TMC2: variants seen among roughly 807,000 people sequenced by gnomAD.
TMC2 encodes transmembrane channel-like protein 2.
In TMC2, 102 loss-of-function variants were observed where a neutral mutation model predicts 105.9. The observed-to-expected ratio is 0.96, with a 90% confidence interval of 0.82 to 1.14. The LOEUF (loss-of-function observed/expected upper bound fraction) is 1.14. Ranked by LOEUF, TMC2 falls within the 50% of genes most tolerant of loss-of-function variation. TMC2 has a pLI of 0.00. For missense variants in TMC2, 1,093 were observed against 1,134.3 expected (o/e 0.96, Z 0.52); for synonymous variants, 402 against 422.8 (o/e 0.95, Z 0.60).
In TMC2 at chr20:2,635,977, T is replaced by C. The variant is rs2086639863; in HGVS notation, c.2358T>C (p.Asn786=). The change falls in exon 18 of 20, where the codon AAT becomes AAC. Residue 786 remains asparagine (N), a synonymous_variant. Coordinates refer to ENST00000358864, the MANE Select transcript of TMC2 (RefSeq NM_080751.3). The part of the protein sequence containing the change: ...NSVSKSLSRA[N]AQLRKKIQVL... The stretch of plus-strand genomic sequence containing the variant: ...TTTCCAAAAGCCTTTCCCGAGCTAA[T>C]GCCCAGCTGAGGAAGAAAATCCAAG... 1.2e-6 allele frequency: 2 copies of C among 1,614,032 alleles called. No homozygotes were observed. The highest frequency in any genetic ancestry group is 1.3e-5 in the African/African-American group (1 of 74,934).
rs762106395 is a variant in TMC2 at position 2,579,192 on chromosome 20, G to A, written c.692G>A (p.Cys231Tyr). The change falls in exon 6 of 20, where the codon TGT (cysteine) becomes TAT (tyrosine). Residue 231 changes from cysteine (C) to tyrosine (Y), a missense_variant. Coordinates refer to ENST00000358864, the MANE Select transcript of TMC2 (RefSeq NM_080751.3). ...KRDFDNFKTQ[C>Y]IPWEMKIKDI... ...GACTTTGATAATTTCAAGACTCAAT[G>A]TATCCCCTGGGAAATGAAGATCAAG... 1.2e-6 allele frequency: 2 copies of A among 1,603,276 alleles called. No individual in the cohort carries two copies. The highest frequency in any genetic ancestry group is 1.7e-6 in the Non-Finnish European group (2 of 1,170,408).
intron 17 of TMC2, among the ~76,000 whole-genome samples, chr20:2,626,723 A>G (rs2086567050): frequency 6.6e-6 from 1 of 152,154 alleles, no homozygotes; most frequent in Admixed American, 6.5e-5. Context: ...CTACAATGTG[A>G]TCCTTACTAT....
intron 2 of TMC2, among the ~76,000 whole-genome samples, chr20:2,557,816 C>T (rs973593679): frequency 2.6e-5 from 4 of 152,154 alleles, no homozygotes; most frequent in Admixed American, 2.6e-4. Flanking sequence ...AAAGTGCGCC[C>T]CCACCAAGGC....
Position 2,612,275 on chromosome 20 carries a change from C to G in TMC2, c.1678C>G (p.Pro560Ala). 1.2e-6 allele frequency: 2 copies of G among 1,612,502 alleles called. No individual in the cohort carries two copies. Among genetic ancestry groups the G allele is most frequent in the Non-Finnish European group, 1.7e-6 (2 of 1,179,196 alleles). The change falls in exon 13 of 20, where the codon CCC (proline) becomes GCC (alanine). Residue 560 changes from proline to alanine, a missense_variant. Transcript: ENST00000358864. The stretch of plus-strand genomic sequence containing the variant: ...CTCTTCTGGTTGGAACGAGAGTGTC[C>G]CCCGACCACCCCTGCACCCTGCAGA... ...YNSSGWNESV[P>A]RPPLHPADVP...
At chr20:2,537,613 G>T (rs1011785658) in intron 2 of TMC2, among the ~76,000 whole-genome samples, 1 of 151,638 alleles carries the variant, frequency 6.6e-6, no homozygotes, top group Non-Finnish European at 1.5e-5. Context: ...GAAGCTCGGT[G>T]CAGGCTTCTG....
rs747571352 is a variant in TMC2, at chr20:2,636,023, T to C, written c.2385+19T>C. 1.2e-6 allele frequency: 2 copies of C among 1,607,854 alleles called. No individual in the cohort carries two copies. Among genetic ancestry groups the C allele is most frequent in the Non-Finnish European group, 1.7e-6 (2 of 1,174,350 alleles). ...CCAAGTGGTGAGTCTGTTGGGAGTT[T>C]CATCCTGGACGGTAAAAAGAGATCA... On this transcript the variant is annotated intron_variant, in intron 18 of 19. Coordinates refer to ENST00000358864, the MANE Select transcript of TMC2 (RefSeq NM_080751.3).
chr20:2,597,286 C>T lies in TMC2; in HGVS notation c.1212C>T (p.Thr404=), dbSNP rs750935447. ...CTGATAACAAATATGCATCCATCAC[C>T]ACCAGCTTCAAGGTAGTCACCCCAG... ...ETADNKYASI[T]TSFKESIVDE... Residue 404 remains threonine (T), a synonymous_variant, in exon 10 of 20, where the codon ACC becomes ACT. Coordinates refer to ENST00000358864, the MANE Select transcript of TMC2 (RefSeq NM_080751.3). The T allele has an allele frequency of 1.2e-6, 2 of 1,613,802 alleles. No individual in the cohort carries two copies. Among genetic ancestry groups the T allele is most frequent in the Non-Finnish European group, 1.7e-6 (2 of 1,179,802 alleles).
chr20:2,552,298 T>G (rs1200068138), intron 2 of TMC2, among the ~76,000 whole-genome samples: 1 of 152,172 alleles, frequency 6.6e-6, no homozygotes, highest in Non-Finnish European at 1.5e-5. Context: ...TTTATCAATA[T>G]CCACAGAATA....
At chr20:2,576,900 G>T (rs1245310793) in intron 5 of TMC2, among the ~76,000 whole-genome samples, 40 of 118,688 alleles carry the variant, frequency 3.4e-4, no homozygotes, top group African/African-American at 8.9e-4. Flanking sequence ...TTTCTTCTTG[G>T]TTTTTTTTTT....
intron 5 of TMC2, among the ~76,000 whole-genome samples, chr20:2,573,714 C>CTG (rs2086120866): frequency 6.8e-6 from 1 of 147,832 alleles, no homozygotes; most frequent in Non-Finnish European, 1.5e-5. Flanking sequence ...GCGCCCGCCA[C>CTG]CACGCCCGGC....
intron 16 of TMC2, among the ~76,000 whole-genome samples, chr20:2,620,957 C>T (rs2086520620): frequency 1.3e-5 from 2 of 152,160 alleles, no homozygotes; most frequent in South Asian, 4.1e-4. Flanking sequence ...CTATGCCTGT[C>T]CCACCATTTT....
At chr20:2,619,197 C>T (rs1414598202) in intron 16 of TMC2, among the ~76,000 whole-genome samples, 6 of 152,112 alleles carry the variant, frequency 3.9e-5, no homozygotes, top group African/African-American at 1.2e-4. Flanking sequence ...TTAGGGGTAA[C>T]TTACAGTCAG....
chr20:2,583,882 C>T (rs1183413149), intron 7 of TMC2, among the ~76,000 whole-genome samples: 1 of 152,044 alleles, frequency 6.6e-6, no homozygotes. Flanking sequence ...TAAGCCATAC[C>T]CAAAATGCTA....
chr20:2,559,198 C>T (rs1271564100), intron 3 of TMC2, among the ~76,000 whole-genome samples: 1 of 152,226 alleles, frequency 6.6e-6, no homozygotes, highest in African/African-American at 2.4e-5. Context: ...CAGGAACCAT[C>T]TGAGGGCTTA....
At chr20:2,540,183 G>T (rs568220974) in intron 2 of TMC2, among the ~76,000 whole-genome samples, 2 of 151,250 alleles carry the variant, frequency 1.3e-5, no homozygotes, top group East Asian at 4.0e-4. Flanking sequence ...GTAGAGACCG[G>T]GTTTCACCAT....
chr20:2,630,785 T>A (rs2146265071), intron 17 of TMC2, among the ~76,000 whole-genome samples: 2 of 152,340 alleles, frequency 1.3e-5, no homozygotes, highest in South Asian at 4.1e-4. Context: ...TTTGTACCAC[T>A]GCATTCCACC....
intron 5 of TMC2, among the ~76,000 whole-genome samples, chr20:2,575,257 A>T (rs550122048): frequency 6.6e-6 from 1 of 152,120 alleles, no homozygotes; most frequent in Non-Finnish European, 1.5e-5. Context: ...TTTATCTTGG[A>T]TCCATGTGTT....
chr20:2,634,208 G>A (rs1393822688), intron 17 of TMC2, among the ~76,000 whole-genome samples: 1 of 152,158 alleles, frequency 6.6e-6, no homozygotes, highest in Non-Finnish European at 1.5e-5. Flanking sequence ...TTTCCTGCCC[G>A]CTGCTCAAAG....
chr20:2,602,050 A>G (rs2086355250), intron 10 of TMC2, 63 bp from the exon 11 acceptor site: 15 of 1,250,928 alleles, frequency 1.2e-5, no homozygotes, highest in Non-Finnish European at 1.7e-5. Flanking sequence ...TCAGGGACCC[A>G]ACAGCCATGG....
Sources: allele counts gnomAD v4.1 joint callset (sites outside exome capture counted in the v4.1 genomes callset), GRCh38; gene constraint gnomAD v4.1.1; transcripts MANE v1.5; gene names NCBI Gene and HGNC (gene_info 2026-07-23, HGNC 2026-07-21).